TSPEAR: variants seen among roughly 807,000 people sequenced by gnomAD.
TSPEAR encodes the protein thrombospondin type laminin G domain and EAR repeats.
Under a neutral mutation model 71.6 loss-of-function variants are expected in TSPEAR, and 69 were observed. The observed-to-expected ratio is 0.96, with a 90% CI of 0.79 to 1.18. The LOEUF (loss-of-function observed/expected upper bound fraction) is 1.18, where lower values mean the gene tolerates loss of function less well. Ranked by LOEUF, TSPEAR falls within the 50% of genes most tolerant of loss-of-function variation. The pLI, the probability that TSPEAR is intolerant of heterozygous loss-of-function variation, is 0.00. For synonymous variants in TSPEAR, 402 were observed against 387.2 expected (o/e 1.04, Z -0.45); for missense variants, 971 against 894.9 (o/e 1.09, Z -1.09).
rs1986899489 is a variant in TSPEAR, at chr21:44,687,208, G to A, written c.82+24225C>T. 6.6e-6 allele frequency among the ~76,000 whole-genome samples: 1 copy of A among 152,194 alleles called. No individual in the cohort carries two copies. Among genetic ancestry groups the A allele is most frequent in the Admixed American group, 6.5e-5 (1 of 15,276 alleles). ...CCAGAGGCTGGATTGGGGCCACTGA[G>A]GCGGTGTGACAGGGAGGTAGATTTC... is the stretch of plus-strand genomic sequence containing the variant. On this transcript the variant is annotated intron_variant, in intron 1 of 11. Coordinates refer to ENST00000323084, the MANE Select transcript of TSPEAR (RefSeq NM_144991.3). The surrounding 1 kb of genome is among the most constrained non-coding windows in gnomAD (Gnocchi z 4.4).
intron 1 of TSPEAR, chr21:44,601,863 TC>T: frequency 7.7e-7 from 1 of 1,294,664 alleles, no homozygotes; most frequent in Non-Finnish European, 1.1e-6. Context: ...CAGCTGGCCA[TC>T]CAGTGTGCGC....
At chr21:44,667,026 C>T in intron 1 of TSPEAR, 1 of 1,009,396 alleles carries the variant, frequency 9.9e-7, no homozygotes, top group South Asian at 1.7e-5. Flanking sequence ...TTCCTCAGTG[C>T]TGTCTCCTGG....
intron 2 of TSPEAR, among the ~76,000 whole-genome samples, chr21:44,552,471 A>T (rs76934758): frequency 0.15 from 22,392 of 152,012 alleles, 1,983 homozygotes; most frequent in Middle Eastern, 0.2. Flanking sequence ...ACGGGCTTTC[A>T]TGGTGGCCCA....
At chr21:44,556,494 C>T (rs1036085429) in intron 2 of TSPEAR, among the ~76,000 whole-genome samples, 1 of 152,152 alleles carries the variant, frequency 6.6e-6, no homozygotes, top group African/African-American at 2.4e-5. Context: ...AGTTCAAGAC[C>T]AGCCTGGCCA....
chr21:44,650,214 CAAA>C (rs34442804), intron 1 of TSPEAR, among the ~76,000 whole-genome samples: 1 of 145,488 alleles, frequency 6.9e-6, no homozygotes. Flanking sequence ...AGACCCTCTC[CAAA>C]AAAAAAAAAG....
At chr21:44,665,884 T>C (rs1555944548) in intron 1 of TSPEAR, among the ~76,000 whole-genome samples, 1 of 152,152 alleles carries the variant, frequency 6.6e-6, no homozygotes. Context: ...TTGTCAATGC[T>C]CTGAGGCTTT....
Position 44,528,444 on chromosome 21 carries a change from T to G in TSPEAR, c.922+8A>C. 6.2e-7 allele frequency: 1 copy of G among 1,613,732 alleles called. No homozygotes were observed. The highest frequency in any genetic ancestry group is 8.5e-7 in the Non-Finnish European group (1 of 1,179,946). ...CATGCCAACGCCCCGGGTGCAGGGC[T>G]GCCTCACCTGCTAACACGGAGACCC... On this transcript the variant is annotated splice_region_variant and intron_variant, in intron 6 of 11. Transcript: ENST00000323084.
At position 44,612,199 on chromosome 21, in the gene TSPEAR, C is replaced by G. The variant is rs1555931137; in HGVS notation, c.83-44194G>C. ...GCCATGTCAGCCGAGTCTCCTCCCCCAGCACCTGCACTGGCTCCTCCTGGC... is the reference window on the plus strand; with the variant it reads ...GCCATGTCAGCCGAGTCTCCTCCCCGAGCACCTGCACTGGCTCCTCCTGGC... On this transcript the variant is annotated intron_variant, in intron 1 of 11. Coordinates refer to ENST00000323084, the MANE Select transcript of TSPEAR (RefSeq NM_144991.3). The surrounding 1 kb of genome is among the most constrained non-coding windows in gnomAD (Gnocchi z 4.1). 1.2e-6 allele frequency: 2 copies of G among 1,613,912 alleles called. No individual in the cohort carries two copies. Among genetic ancestry groups the G allele is most frequent in the African/African-American group, 1.3e-5 (1 of 74,906 alleles).
At position 44,710,966 on chromosome 21, in the gene TSPEAR, C is replaced by T. The variant is rs540327864; in HGVS notation, c.82+467G>A. ...CTGTGTCTGTGTCTCCAGCTTTTTG[C>T]TCATGTGGGGAAGGAGCAGGGCCGG... is the stretch of plus-strand genomic sequence containing the variant. On this transcript the variant is annotated intron_variant, in intron 1 of 11. Transcript: ENST00000323084. The surrounding 1 kb of genome is among the most constrained non-coding windows in gnomAD (Gnocchi z 4.6). Among the ~76,000 whole-genome samples, 21 of 152,210 alleles carry T rather than the reference C, an allele frequency of 1.4e-4. No homozygotes were observed. The highest frequency in any genetic ancestry group is 3.1e-4 in the Non-Finnish European group (21 of 68,042).
At chr21:44,521,742 TG>T in intron 9 of TSPEAR, 140 bp downstream of exon 9, 1 of 762,762 alleles carries the variant, frequency 1.3e-6, no homozygotes, top group Non-Finnish European at 2.1e-6. Flanking sequence ...AGGCCCTGCC[TG>T]GGTTTTGGGG....
chr21:44,582,652 C>T (rs1296511592), intron 1 of TSPEAR, among the ~76,000 whole-genome samples: 1 of 152,214 alleles, frequency 6.6e-6, no homozygotes, highest in Non-Finnish European at 1.5e-5. Context: ...GCTGTGCCCA[C>T]AACAGCTCCA....
At chr21:44,586,500 C>T (rs189059947) in intron 1 of TSPEAR, among the ~76,000 whole-genome samples, 2 of 152,262 alleles carry the variant, frequency 1.3e-5, no homozygotes, top group Admixed American at 6.5e-5. Context: ...ATGAAGCTCA[C>T]CTGCTGCAAG....
At chr21:44,637,371 T>TCACA in intron 1 of TSPEAR, 1 of 1,573,208 alleles carries the variant, frequency 6.4e-7, no homozygotes. Context: ...ACTCACACAC[T>TCACA]CACTCACTCA....
In TSPEAR at chr21:44,593,306, C is replaced by T. The variant is rs1378434802; in HGVS notation, c.83-25301G>A. Among the ~76,000 whole-genome samples, 1 of 152,210 alleles carries T rather than the reference C, an allele frequency of 6.6e-6. No individual in the cohort carries two copies. Among genetic ancestry groups the T allele is most frequent in the Non-Finnish European group, 1.5e-5 (1 of 68,030 alleles). ...CTTCTCCGAGGCTGCCCGTCAGCCC[C>T]CACCCAGCCTCCTGCTGGGCCCATT... On this transcript the variant is annotated intron_variant, in intron 1 of 11. Coordinates refer to ENST00000323084, the MANE Select transcript of TSPEAR (RefSeq NM_144991.3). The surrounding 1 kb of genome is among the most constrained non-coding windows in gnomAD (Gnocchi z 5.9).
At chr21:44,558,431 G>A (rs2053578661) in intron 2 of TSPEAR, 1 of 1,614,088 alleles carries the variant, frequency 6.2e-7, no homozygotes, top group Non-Finnish European at 8.5e-7. Flanking sequence ...AGGCCTGCTG[G>A]CAGGGGGAGG....
intron 9 of TSPEAR, among the ~76,000 whole-genome samples, chr21:44,521,255 T>G (rs2052727399): frequency 6.6e-6 from 1 of 152,188 alleles, no homozygotes; most frequent in African/African-American, 2.4e-5. Flanking sequence ...CCCACCTGTC[T>G]CGTACTCCGC....
chr21:44,646,395 C>T (rs1984361283), intron 1 of TSPEAR: 2 of 1,552,574 alleles, frequency 1.3e-6, no homozygotes, highest in Admixed American at 1.8e-5. Context: ...CTCACTCACT[C>T]ACTCACACAC....
chr21:44,591,711 T>A (rs372603975), intron 1 of TSPEAR: 66 of 1,567,308 alleles, frequency 4.2e-5, no homozygotes, highest in Non-Finnish European at 5.1e-5. Context: ...TGCAGCAAGC[T>A]GGCTGGCAGC....
intron 1 of TSPEAR, among the ~76,000 whole-genome samples, chr21:44,673,820 G>A (rs1308097351): frequency 6.6e-6 from 1 of 151,956 alleles, no homozygotes; most frequent in Non-Finnish European, 1.5e-5. Flanking sequence ...TTTGGAAACT[G>A]TACAAATATG....
Sources: gnomAD v4.1 joint callset for allele counts (sites outside exome capture counted in the v4.1 genomes callset) on GRCh38, gnomAD v4.1.1 for gene constraint, Gnocchi (gnomAD v3.1) non-coding constraint, MANE v1.5 for transcripts, NCBI Gene and HGNC (gene_info 2026-07-23, HGNC 2026-07-21) for gene names.